The following IGSF21 variants were observed in gnomAD, a reference collection of about 807,000 sequenced individuals.
The protein encoded by IGSF21 is immunoglobin superfamily member 21, also known as immunoglobulin superfamily member 21.
Under a neutral mutation model 46.8 loss-of-function variants are expected in IGSF21, and 28 were observed. The observed-to-expected ratio is 0.60, with a 90% CI of 0.44 to 0.82. IGSF21 has a LOEUF of 0.82. Among genes scored for constraint, IGSF21 ranks in the 40% least tolerant of loss-of-function variants. IGSF21 has a pLI of 0.00. For synonymous variants in IGSF21, 284 were observed against 273.6 expected (o/e 1.04, Z -0.38); for missense variants, 624 against 665.5 (o/e 0.94, Z 0.69).
intron 2 of IGSF21, among the ~76,000 whole-genome samples, chr1:18,267,061 G>C (rs899489622): frequency 2.0e-5 from 3 of 152,216 alleles, no homozygotes; most frequent in Admixed American, 2.0e-4. Flanking sequence ...AGAGCCCATG[G>C]CCCCTGGCTG....
intron 4 of IGSF21, among the ~76,000 whole-genome samples, chr1:18,359,539 G>T (rs758309457): frequency 6.6e-6 from 1 of 150,746 alleles, no homozygotes; most frequent in African/African-American, 2.4e-5. Context: ...TCTCAGGAAG[G>T]TTCTAGGTGT....
At chr1:18,370,194 C>T (rs1011527982) in intron 6 of IGSF21, among the ~76,000 whole-genome samples, 15 of 152,244 alleles carry the variant, frequency 9.9e-5, no homozygotes, top group African/African-American at 2.4e-4. Context: ...TTTCCCACCC[C>T]GATTGATCTA....
intron 2 of IGSF21, among the ~76,000 whole-genome samples, chr1:18,254,395 T>C (rs1407983563): frequency 1.3e-5 from 2 of 152,100 alleles, no homozygotes; most frequent in African/African-American, 4.8e-5. Flanking sequence ...CCTAACCTTA[T>C]CTAGCTCCAT....
Position 18,337,648 on chromosome 1 carries a change from C to T in IGSF21, c.424+2638C>T, listed in dbSNP as rs1005215935. On this transcript the variant is annotated intron_variant, in intron 4 of 9. Coordinates refer to ENST00000251296, the MANE Select transcript of IGSF21 (RefSeq NM_032880.5). This position sits in a 1 kb window ranked among gnomAD's most constrained non-coding sequence, Gnocchi z 5.7. Reference sequence around the variant, plus strand: ...GAGACAGGGGTCTCTCCTTACTCACCTTCTCTGGGCTTCTTCCCCAAAGGT... The same window carrying T: ...GAGACAGGGGTCTCTCCTTACTCACTTTCTCTGGGCTTCTTCCCCAAAGGT... Among the ~76,000 whole-genome samples the T allele has an allele frequency of 6.6e-6, 1 of 152,008 alleles. No homozygotes were observed. Among genetic ancestry groups the T allele is most frequent in the Non-Finnish European group, 1.5e-5 (1 of 68,018 alleles).
chr1:18,177,433 G>GTGTGTGTA (rs2086813106), intron 1 of IGSF21, among the ~76,000 whole-genome samples: 1 of 33,704 alleles, frequency 3.0e-5, no homozygotes, highest in Non-Finnish European at 7.3e-5. Context: ...GTGTGTGTGT[G>GTGTGTGTA]TGTACATGGT....
intron 4 of IGSF21, among the ~76,000 whole-genome samples, chr1:18,360,854 T>C (rs781111943): frequency 2.0e-4 from 31 of 152,172 alleles, no homozygotes; most frequent in Admixed American, 5.2e-4. Flanking sequence ...TTTAGCAAAT[T>C]GGGGGACTGA....
intron 3 of IGSF21, among the ~76,000 whole-genome samples, chr1:18,298,727 C>T (rs1429530094): frequency 1.3e-5 from 2 of 152,238 alleles, no homozygotes; most frequent in African/African-American, 4.8e-5. Context: ...CACATGTACA[C>T]TCAACAGTGC....
At chr1:18,212,217 G>C (rs2084399798) in intron 1 of IGSF21, among the ~76,000 whole-genome samples, 1 of 152,256 alleles carries the variant, frequency 6.6e-6, no homozygotes, top group Non-Finnish European at 1.5e-5. Context: ...CCAGCCTTAA[G>C]AAGTAAAGAG....
intron 3 of IGSF21, among the ~76,000 whole-genome samples, chr1:18,299,698 C>T (rs2085343142): frequency 2.0e-5 from 3 of 152,208 alleles, no homozygotes; most frequent in South Asian, 4.1e-4. Flanking sequence ...GCTGGAAACC[C>T]GTTCCTCTCT....
chr1:18,374,816 A>G (rs1416396903), intron 6 of IGSF21, among the ~76,000 whole-genome samples: 1 of 152,166 alleles, frequency 6.6e-6, no homozygotes. Flanking sequence ...AGGTGGGGGT[A>G]ATCCCAGGGC....
chr1:18,244,476 G>A (rs1213587008), intron 2 of IGSF21, among the ~76,000 whole-genome samples: 2 of 152,194 alleles, frequency 1.3e-5, no homozygotes, highest in South Asian at 2.1e-4. Flanking sequence ...AGCTCGTGAA[G>A]GAAAGGCAAC....
At chr1:18,268,387 G>A (rs1395232285) in intron 2 of IGSF21, among the ~76,000 whole-genome samples, 1 of 152,206 alleles carries the variant, frequency 6.6e-6, no homozygotes, top group Admixed American at 6.5e-5. Flanking sequence ...TGCACCATCA[G>A]CTAGGAGATT....
chr1:18,169,553 C>T (rs1019231814), intron 1 of IGSF21, among the ~76,000 whole-genome samples: 4 of 152,196 alleles, frequency 2.6e-5, no homozygotes, highest in African/African-American at 7.2e-5. Context: ...TGGCTGCTTC[C>T]GCCCCATGTG....
At chr1:18,291,122 G>A (rs1037297054) in intron 2 of IGSF21, among the ~76,000 whole-genome samples, 2 of 152,222 alleles carry the variant, frequency 1.3e-5, no homozygotes, top group Non-Finnish European at 2.9e-5. Flanking sequence ...GCAGGCGGGC[G>A]GCAGCTGAGG....
At chr1:18,181,420 GC>G (rs1185210888) in intron 1 of IGSF21, among the ~76,000 whole-genome samples, 1 of 152,174 alleles carries the variant, frequency 6.6e-6, no homozygotes, top group Non-Finnish European at 1.5e-5. Flanking sequence ...AGCTTGAGCA[GC>G]CCAAACGCTG....
At chr1:18,149,277 G>A (rs911976105) in intron 1 of IGSF21, among the ~76,000 whole-genome samples, 2 of 152,180 alleles carry the variant, frequency 1.3e-5, no homozygotes, top group South Asian at 2.1e-4. Flanking sequence ...ACAGAGGAGC[G>A]CTCGGTGTGC....
At chr1:18,241,073 T>C (rs1201515351) in intron 2 of IGSF21, among the ~76,000 whole-genome samples, 3 of 152,110 alleles carry the variant, frequency 2.0e-5, no homozygotes, top group Non-Finnish European at 4.4e-5. Context: ...CCAGAGAAAG[T>C]GCCCCACCCT....
chr1:18,223,339 G>A (rs1195744084), intron 1 of IGSF21, among the ~76,000 whole-genome samples: 1 of 152,242 alleles, frequency 6.6e-6, no homozygotes, highest in Admixed American at 6.5e-5. Context: ...GCAATCGATG[G>A]AGCTGCAAAC....
chr1:18,363,384 T>C (rs2086123817), intron 5 of IGSF21, among the ~76,000 whole-genome samples: 1 of 152,138 alleles, frequency 6.6e-6, no homozygotes, highest in East Asian at 1.9e-4. Context: ...CCTTGCGACC[T>C]GGGGCAGGGT....
Sources: allele counts gnomAD v4.1 joint callset (sites outside exome capture counted in the v4.1 genomes callset), GRCh38; gene constraint gnomAD v4.1.1; non-coding constraint Gnocchi (gnomAD v3.1); transcripts MANE v1.5; gene names NCBI Gene and HGNC (gene_info 2026-07-23, HGNC 2026-07-21).